Variants in NBEA observed in about 807,000 individuals in gnomAD.
NBEA encodes the protein lysosomal-trafficking regulator 2.
NBEA carries 44 observed loss-of-function variants against 343.4 expected under a neutral mutation model. The ratio of observed to expected loss-of-function variants is 0.13; its 90% confidence interval spans 0.10 to 0.16. The LOEUF (loss-of-function observed/expected upper bound fraction) is 0.16, where lower values mean the gene tolerates loss of function less well. Ranked by LOEUF, NBEA falls within the 10% of genes least tolerant of loss-of-function variation. The pLI, the probability that NBEA is intolerant of heterozygous loss-of-function variation, is 1.00. For synonymous variants in NBEA, 1,175 were observed against 1,238.7 expected, an observed-to-expected ratio of 0.95 and a Z score of 1.08; for missense variants, 2,555 against 3,631.3, an observed-to-expected ratio of 0.70 and a Z score of 7.62.
At chr13:35,588,947 C>G (rs554841644) in intron 46 of NBEA, among the ~76,000 whole-genome samples, 166 of 152,194 alleles carry the variant, frequency 1.1e-3, no homozygotes, top group African/African-American at 3.7e-3. Context: ...GTTTTGAAAG[C>G]TTACCCTAAA....
intron 39 of NBEA, among the ~76,000 whole-genome samples, chr13:35,448,532 A>T (rs1213166811): frequency 6.6e-6 from 1 of 152,180 alleles, no homozygotes. Flanking sequence ...GAGTTTATAC[A>T]TTTATTCAGG....
At chr13:35,500,146 C>A (rs2076830402) in intron 41 of NBEA, among the ~76,000 whole-genome samples, 1 of 152,052 alleles carries the variant, frequency 6.6e-6, no homozygotes, top group Non-Finnish European at 1.5e-5. Context: ...CAATTCATTG[C>A]CTATTCTTTG....
At chr13:35,252,075 C>T (rs1216122423) in intron 34 of NBEA, among the ~76,000 whole-genome samples, 2 of 152,176 alleles carry the variant, frequency 1.3e-5, no homozygotes, top group Non-Finnish European at 2.9e-5. Flanking sequence ...TTTCATACTG[C>T]TATAAAGAAC....
At chr13:35,549,899 TG>T (rs1766655114) in intron 41 of NBEA, among the ~76,000 whole-genome samples, 1 of 152,246 alleles carries the variant, frequency 6.6e-6, no homozygotes, top group Admixed American at 6.5e-5. Context: ...AATAAAATTT[TG>T]TTGGAATACT....
chr13:35,445,291 A>T (rs958952220), intron 39 of NBEA, among the ~76,000 whole-genome samples: 2 of 152,098 alleles, frequency 1.3e-5, no homozygotes, highest in Non-Finnish European at 2.9e-5. Context: ...TATTCAGTAT[A>T]CTTTTTATCC....
intron 1 of NBEA, among the ~76,000 whole-genome samples, chr13:34,987,485 T>C (rs1324386396): frequency 6.6e-6 from 1 of 150,880 alleles, no homozygotes; most frequent in Non-Finnish European, 1.5e-5. Context: ...GGGTTGCTCT[T>C]CTGGAGGAGT....
chr13:35,648,715 G>A (rs2084365051), intron 51 of NBEA, among the ~76,000 whole-genome samples: 1 of 152,118 alleles, frequency 6.6e-6, no homozygotes, highest in African/African-American at 2.4e-5. Flanking sequence ...TTTTTAATAT[G>A]GTGGTATTTG....
At chr13:35,010,335 G>A (rs913608040) in intron 1 of NBEA, among the ~76,000 whole-genome samples, 2 of 151,946 alleles carry the variant, frequency 1.3e-5, no homozygotes, top group African/African-American at 4.8e-5. Context: ...CCAGTACTTT[G>A]GGAGGCCAAG....
At chr13:35,019,936 C>T (rs1027352168) in intron 1 of NBEA, among the ~76,000 whole-genome samples, 10 of 152,102 alleles carry the variant, frequency 6.6e-5, no homozygotes, top group Admixed American at 2.0e-4. Flanking sequence ...TTTGCTTCAT[C>T]GGGCTAGATA....
At chr13:35,098,272 A>ATGT in intron 10 of NBEA, 25 bp from the exon 11 acceptor site, 1 of 1,453,638 alleles carries the variant, frequency 6.9e-7, no homozygotes, top group Non-Finnish European at 9.5e-7. Context: ...ATGATTACAT[A>ATGT]ATGATGTCTG....
intron 31 of NBEA, among the ~76,000 whole-genome samples, chr13:35,205,691 G>A (rs1365031447): frequency 3.9e-5 from 6 of 151,974 alleles, no homozygotes; most frequent in Non-Finnish European, 7.4e-5. Context: ...TATTTTTGCT[G>A]ATATAGACCC....
At chr13:35,493,079 A>G (rs1228038389) in intron 41 of NBEA, among the ~76,000 whole-genome samples, 1 of 151,986 alleles carries the variant, frequency 6.6e-6, no homozygotes, top group Non-Finnish European at 1.5e-5. Context: ...CTATATGAAT[A>G]CTGAATTCTC....
Position 34,952,165 on chromosome 13 carries a change from G to T in NBEA, c.294+9051G>T, listed in dbSNP as rs533431338. Among the ~76,000 whole-genome samples the T allele has an allele frequency of 6.6e-5, 10 of 152,300 alleles. 1 individual carries two copies. The highest frequency in any genetic ancestry group is 3.3e-4 in the Admixed American group (5 of 15,298). On this transcript the variant is annotated intron_variant, in intron 1 of 58. Coordinates refer to ENST00000379939, the MANE Select transcript of NBEA (RefSeq NM_001385012.1). The stretch of plus-strand genomic sequence containing the variant: ...AGCTAGAGTTCTTTCCCATTACTAA[G>T]CAAATGTAGCTAGTACTTAGAAATT...
rs1383930205 is a variant in NBEA at position 35,668,359 on chromosome 13, T to C, written c.8662-9T>C. On this transcript the variant is annotated splice_polypyrimidine_tract_variant and intron_variant, in intron 57 of 58. Coordinates refer to ENST00000379939, the MANE Select transcript of NBEA (RefSeq NM_001385012.1). ...TTTTTTTTGTTTGTTTGTTTTACCT[T>C]TTCTGAAGGCCATTCTCCTGAGCAG... 18 of 1,584,970 alleles carry C rather than the reference T, an allele frequency of 1.1e-5. No individual in the cohort carries two copies. Among genetic ancestry groups the C allele is most frequent in the Non-Finnish European group, 1.4e-5 (16 of 1,165,046 alleles).
chr13:35,400,523 G>C (rs2042956145), intron 38 of NBEA, among the ~76,000 whole-genome samples: 1 of 151,814 alleles, frequency 6.6e-6, no homozygotes, highest in Admixed American at 6.6e-5. Context: ...ATTTTTTGAG[G>C]ATTATACCAC....
chr13:35,439,504 A>G (rs1337725975), intron 39 of NBEA, among the ~76,000 whole-genome samples: 1 of 152,234 alleles, frequency 6.6e-6, no homozygotes, highest in Non-Finnish European at 1.5e-5. Flanking sequence ...ACTCCTTTGA[A>G]TGGCCTTAAT....
chr13:35,045,551 G>C, intron 4 of NBEA, 150 bp downstream of exon 4: 1 of 598,304 alleles, frequency 1.7e-6, no homozygotes, highest in Non-Finnish European at 2.8e-6. Context: ...ATAATGATTT[G>C]AACAATTTCA....
intron 33 of NBEA, among the ~76,000 whole-genome samples, chr13:35,227,124 A>G (rs1036489152): frequency 1.3e-5 from 2 of 152,098 alleles, no homozygotes; most frequent in Non-Finnish European, 2.9e-5. Context: ...ATCACAGGGA[A>G]GTAAAATAAG....
chr13:35,360,646 A>C (rs2040758294), intron 38 of NBEA, among the ~76,000 whole-genome samples: 1 of 152,086 alleles, frequency 6.6e-6, no homozygotes, highest in Non-Finnish European at 1.5e-5. Context: ...GATAGATCTC[A>C]GCTAGGAAAT....
Sources: allele counts gnomAD v4.1 joint callset (sites outside exome capture counted in the v4.1 genomes callset), GRCh38; gene constraint gnomAD v4.1.1; transcripts MANE v1.5; gene names NCBI Gene and HGNC (gene_info 2026-07-23, HGNC 2026-07-21).